Variants in RBFOX1 observed in about 807,000 individuals in gnomAD.
The protein encoded by RBFOX1 is RNA binding protein fox-1 homolog 1.
Under a neutral mutation model 57.7 loss-of-function variants are expected in RBFOX1, and 8 were observed. That is an observed-to-expected ratio of 0.14 (90% confidence interval 0.08 to 0.25). RBFOX1 has a LOEUF of 0.25. Among genes scored for constraint, RBFOX1 ranks in the 10% least tolerant of loss-of-function variants. The probability of loss-of-function intolerance (pLI) is 1.00; values close to 1 mark genes in which losing one functional copy is unlikely to be tolerated. For synonymous variants in RBFOX1, 326 were observed against 222.4 expected (o/e 1.47, Z -4.15); for missense variants, 611 against 548.5 (o/e 1.11, Z -1.14).
chr16:6,949,202 C>A (rs7195006), intron 3 of RBFOX1, among the ~76,000 whole-genome samples: 120,229 of 152,098 alleles, frequency 0.79, 48,212 homozygotes, highest in African/African-American at 0.94. Flanking sequence ...GCTACAAAAG[C>A]TAAATTCCAG....
intron 2 of RBFOX1, among the ~76,000 whole-genome samples, chr16:6,490,098 TTG>T (rs753654259): frequency 3.3e-5 from 5 of 152,210 alleles, no homozygotes; most frequent in Non-Finnish European, 7.3e-5. Context: ...AGGCTGTTTG[TTG>T]TTCCACATTT....
In RBFOX1 at chr16:5,834,687, G is replaced by GTAGATAGATAGATAGATAGA. The variant is rs151197873; in HGVS notation, c.319-32605_319-32586dup. Among the ~76,000 whole-genome samples the GTAGATAGATAGATAGATAGA allele has an allele frequency of 1.7e-3, 226 of 134,848 alleles. 1 individual carries two copies. The highest frequency in any genetic ancestry group is 3.6e-3 in the Middle Eastern group (1 of 278). 88.5% of individuals were successfully genotyped at this position (134,848 alleles called of 152,430 possible). ...GGGATTGCTGGATTGAATGGGATAG[G>GTAGATAGATAGATAGATAGA]TAGATAGATAGATAGATAGATAGAT... On this transcript the variant is annotated intron_variant, in intron 3 of 19. Transcript: ENST00000641259.
chr16:6,439,282 G>T (rs532956709), intron 2 of RBFOX1, among the ~76,000 whole-genome samples: 2 of 152,302 alleles, frequency 1.3e-5, no homozygotes, highest in East Asian at 3.9e-4. Context: ...CTGCAGTCAG[G>T]AAGGTATAAT....
intron 3 of RBFOX1, among the ~76,000 whole-genome samples, chr16:6,874,216 A>T (rs1296388944): frequency 6.6e-6 from 1 of 152,148 alleles, no homozygotes; most frequent in Non-Finnish European, 1.5e-5. Context: ...AGCCATAAAA[A>T]GGAATGAAAT....
chr16:6,572,644 G>A (rs538047854), intron 2 of RBFOX1, among the ~76,000 whole-genome samples: 2 of 151,846 alleles, frequency 1.3e-5, no homozygotes, highest in Non-Finnish European at 2.9e-5. Flanking sequence ...CCAGGCTGGA[G>A]TGCAGTGTCA....
At chr16:7,600,643 C>T (rs1312425823) in intron 9 of RBFOX1, among the ~76,000 whole-genome samples, 2 of 152,158 alleles carry the variant, frequency 1.3e-5, no homozygotes, top group African/African-American at 2.4e-5. Flanking sequence ...CTGGAGCTAT[C>T]AAAGTTTCAG....
intron 2 of RBFOX1, among the ~76,000 whole-genome samples, chr16:6,643,403 G>A (rs996312888): frequency 4.3e-5 from 6 of 138,534 alleles, no homozygotes; most frequent in Non-Finnish European, 9.2e-5. Context: ...TTTGAATCTT[G>A]GTTTTTGTTT....
chr16:6,243,254 C>T (rs1221168246), intron 1 of RBFOX1, among the ~76,000 whole-genome samples: 1 of 152,126 alleles, frequency 6.6e-6, no homozygotes, highest in African/African-American at 2.4e-5. Flanking sequence ...TTCATTTCCA[C>T]TCTACATCTT....
At chr16:5,766,557 C>T (rs1053069170) in intron 3 of RBFOX1, among the ~76,000 whole-genome samples, 6 of 152,134 alleles carry the variant, frequency 3.9e-5, no homozygotes, top group African/African-American at 1.4e-4. Flanking sequence ...TGTACTCCAG[C>T]CCGGGCAACA....
At chr16:7,450,618 G>A (rs1316226215) in intron 4 of RBFOX1, among the ~76,000 whole-genome samples, 1 of 152,042 alleles carries the variant, frequency 6.6e-6, no homozygotes, top group Non-Finnish European at 1.5e-5. Flanking sequence ...GGGATTCCAG[G>A]CTCCTTTCCA....
chr16:7,273,597 T>C (rs1303969527), intron 4 of RBFOX1, among the ~76,000 whole-genome samples: 1 of 152,212 alleles, frequency 6.6e-6, no homozygotes, highest in East Asian at 1.9e-4. Context: ...GCAAACAAGA[T>C]ACTTACCTCC....
chr16:5,710,961 T>G (rs2051465821), intron 3 of RBFOX1, among the ~76,000 whole-genome samples: 3 of 152,180 alleles, frequency 2.0e-5, no homozygotes, highest in Non-Finnish European at 4.4e-5. Flanking sequence ...AAAAACATAT[T>G]TATTGCAAAA....
In RBFOX1 at chr16:7,676,803, G is replaced by A; in HGVS notation, c.960G>A (p.Gln320=). The A allele has an allele frequency of 1.2e-6, 2 of 1,613,284 alleles. No individual in the cohort carries two copies. The highest frequency in any genetic ancestry group is 1.7e-5 in the Admixed American group (1 of 59,992). ...GTTATGCTGCATACCGCTACGCCCA[G>A]CCTACCCCTGCCACTGCCGCTGCCT... is the stretch of plus-strand genomic sequence containing the variant. The part of the protein sequence containing the change: ...YGGYAAYRYA[Q]PTPATAAAYS... Residue 320 remains glutamine, a synonymous_variant, in exon 14 of 16, where the codon CAG becomes CAA. Transcript: ENST00000550418.
intron 4 of RBFOX1, among the ~76,000 whole-genome samples, chr16:7,279,465 A>G (rs958943174): frequency 6.6e-6 from 1 of 152,152 alleles, no homozygotes; most frequent in African/African-American, 2.4e-5. Flanking sequence ...TCCTCACCAC[A>G]CTCAGGCCTG....
intron 3 of RBFOX1, among the ~76,000 whole-genome samples, chr16:6,896,913 C>A (rs755707536): frequency 6.6e-6 from 1 of 152,084 alleles, no homozygotes; most frequent in Non-Finnish European, 1.5e-5. Context: ...AAAAAAAATG[C>A]ATTTGGTGAA....
At chr16:6,767,190 C>G (rs991600762) in intron 3 of RBFOX1, among the ~76,000 whole-genome samples, 3 of 152,082 alleles carry the variant, frequency 2.0e-5, no homozygotes, top group Non-Finnish European at 4.4e-5. Context: ...GGTATGGAAC[C>G]TAAACCTAGC....
At chr16:6,268,050 C>T (rs1050878697) in intron 1 of RBFOX1, among the ~76,000 whole-genome samples, 2 of 152,176 alleles carry the variant, frequency 1.3e-5, no homozygotes, top group African/African-American at 4.8e-5. Flanking sequence ...AAAATTGCTT[C>T]ACTCTTGGGC....
At chr16:6,809,377 C>G (rs555095630) in intron 3 of RBFOX1, among the ~76,000 whole-genome samples, 2 of 152,276 alleles carry the variant, frequency 1.3e-5, no homozygotes, top group African/African-American at 4.8e-5. Context: ...GTGCCAGACA[C>G]TTTCTAAAGG....
intron 1 of RBFOX1, among the ~76,000 whole-genome samples, chr16:5,437,929 T>C (rs1385876756): frequency 6.6e-6 from 1 of 152,166 alleles, no homozygotes; most frequent in East Asian, 1.9e-4. Flanking sequence ...TGTGTGTATA[T>C]TTTTCCTTCT....
Sources: allele counts gnomAD v4.1 joint callset (sites outside exome capture counted in the v4.1 genomes callset), GRCh38; gene constraint gnomAD v4.1.1; transcripts MANE v1.5; gene names NCBI Gene and HGNC (gene_info 2026-07-23, HGNC 2026-07-21).